The following LDLRAD4 variants were observed in gnomAD, a reference collection of about 807,000 sequenced individuals.
LDLRAD4 encodes low density lipoprotein receptor class A domain containing 4.
In LDLRAD4, 5 loss-of-function variants were observed where a neutral mutation model predicts 17.0. That is an observed-to-expected ratio of 0.29 (90% CI 0.15 to 0.62). The LOEUF is 0.62. Among genes scored for constraint, LDLRAD4 ranks in the 20% least tolerant of loss-of-function variants. The pLI, the probability that LDLRAD4 is intolerant of heterozygous loss-of-function variation, is 0.84. For missense variants in LDLRAD4, 340 were observed against 424.7 expected (o/e 0.80, Z 1.75); for synonymous variants, 168 against 171.8 (o/e 0.98, Z 0.17).
intron 1 of LDLRAD4, among the ~76,000 whole-genome samples, chr18:13,295,481 A>T (rs546334274): frequency 6.6e-6 from 1 of 152,220 alleles, no homozygotes; most frequent in Non-Finnish European, 1.5e-5. Flanking sequence ...AGTCAGCTGC[A>T]TCGTGCATGT....
chr18:13,467,216 C>CA (rs1373414373), intron 3 of LDLRAD4, among the ~76,000 whole-genome samples: 7 of 152,080 alleles, frequency 4.6e-5, no homozygotes, highest in Non-Finnish European at 7.4e-5. Context: ...TATCCCTGTT[C>CA]AAAAATGACA....
At chr18:13,336,595 C>T (rs887263524) in intron 1 of LDLRAD4, among the ~76,000 whole-genome samples, 41 of 152,066 alleles carry the variant, frequency 2.7e-4, no homozygotes, top group African/African-American at 8.7e-4. Flanking sequence ...ATTCCTCTAC[C>T]CCTTTCTTTG....
chr18:13,556,852 C>A (rs994660148), intron 3 of LDLRAD4, among the ~76,000 whole-genome samples: 2 of 152,142 alleles, frequency 1.3e-5, no homozygotes, highest in African/African-American at 2.4e-5. Flanking sequence ...TAGGTTTCCT[C>A]ACTGTCAAGT....
Position 13,445,061 on chromosome 18 carries a change from T to C in LDLRAD4, c.181+6677T>C, listed in dbSNP as rs147771212. 2.3e-3 allele frequency among the ~76,000 whole-genome samples: 353 copies of C among 152,314 alleles called. 3 individuals carry two copies. The highest frequency in any genetic ancestry group is 7.8e-3 in the African/African-American group (326 of 41,574). On this transcript the variant is annotated intron_variant, in intron 3 of 5. Transcript: ENST00000359446. ...AGCATTTATTCTGGGACCAGCAGTG[T>C]GATAGGCTTTTACTGTGCGTGTGAC... is the stretch of plus-strand genomic sequence containing the variant.
intron 3 of LDLRAD4, among the ~76,000 whole-genome samples, chr18:13,564,301 T>A (rs2094571193): frequency 6.6e-6 from 1 of 152,206 alleles, no homozygotes; most frequent in East Asian, 1.9e-4. Flanking sequence ...GGAGGATGGC[T>A]GCTATTCAAG....
At chr18:13,240,700 C>T (rs1339896481) in intron 1 of LDLRAD4, 1 of 152,306 alleles carries the variant, frequency 6.6e-6, no homozygotes, top group East Asian at 1.9e-4. Flanking sequence ...CATCTGTTCT[C>T]CTCATGGACC....
At chr18:13,429,148 C>T (rs922777576) in intron 2 of LDLRAD4, among the ~76,000 whole-genome samples, 6 of 152,026 alleles carry the variant, frequency 3.9e-5, no homozygotes, top group South Asian at 2.1e-4. Context: ...GGGAAGGATG[C>T]GGTTCCCTGT....
At chr18:13,260,425 A>G (rs2043751328) in intron 1 of LDLRAD4, among the ~76,000 whole-genome samples, 1 of 152,222 alleles carries the variant, frequency 6.6e-6, no homozygotes, top group Non-Finnish European at 1.5e-5. Context: ...GTGTACTGTC[A>G]TAAATGCCTT....
chr18:13,448,611 C>T (rs1302215599), intron 3 of LDLRAD4, among the ~76,000 whole-genome samples: 2 of 149,830 alleles, frequency 1.3e-5, no homozygotes, highest in South Asian at 2.1e-4. Context: ...TGGTGGGAGT[C>T]GGGAAGGAGA....
intron 1 of LDLRAD4, among the ~76,000 whole-genome samples, chr18:13,375,232 T>C (rs1007796346): frequency 2.0e-5 from 3 of 152,028 alleles, no homozygotes; most frequent in Non-Finnish European, 2.9e-5. Context: ...GAGAGGCCGG[T>C]GGAAAAGGAG....
chr18:13,404,951 GAAAA>G (rs1335729910), intron 2 of LDLRAD4, among the ~76,000 whole-genome samples: 1 of 151,936 alleles, frequency 6.6e-6, no homozygotes, highest in Non-Finnish European at 1.5e-5. Context: ...AAGAAGGAAA[GAAAA>G]AAGCAGTGTG....
intron 1 of LDLRAD4, among the ~76,000 whole-genome samples, chr18:13,232,793 A>T (rs1470810931): frequency 6.6e-6 from 1 of 152,142 alleles, no homozygotes; most frequent in African/African-American, 2.4e-5. Context: ...ACCTCCAGCC[A>T]TGCTCCCTGG....
intron 3 of LDLRAD4, among the ~76,000 whole-genome samples, chr18:13,596,991 CATT>C (rs1234115252): frequency 6.6e-6 from 1 of 152,154 alleles, no homozygotes; most frequent in Admixed American, 6.5e-5. Flanking sequence ...TATCTTTTAT[CATT>C]ATGCAGTTAT....
rs187409392 is a variant in LDLRAD4 at position 13,298,287 on chromosome 18, A to T, written c.-383+20099A>T. ...CCTGGAGCTTAAATGGAAATGCACA[A>T]TGTTGGAGCTGCTCTGGGCACGGTG... On this transcript the variant is annotated intron_variant, in intron 1 of 5. Coordinates refer to ENST00000359446, the Ensembl canonical transcript of LDLRAD4. Among the ~76,000 whole-genome samples, 9 of 152,284 alleles carry T rather than the reference A, an allele frequency of 5.9e-5. No individual in the cohort carries two copies. The East Asian group carries it at 1.5e-3, about 26-fold the overall frequency.
intron 3 of LDLRAD4, among the ~76,000 whole-genome samples, chr18:13,481,280 G>T (rs2093075434): frequency 6.6e-6 from 1 of 152,188 alleles, no homozygotes; most frequent in Non-Finnish European, 1.5e-5. Context: ...CACGTGTCTG[G>T]AAGAGGACAG....
chr18:13,516,574 G>T (rs900265077), intron 3 of LDLRAD4, among the ~76,000 whole-genome samples: 2 of 152,286 alleles, frequency 1.3e-5, no homozygotes, highest in South Asian at 4.1e-4. Context: ...TTGAAATTTC[G>T]TTTATTTCTA....
intron 1 of LDLRAD4, among the ~76,000 whole-genome samples, chr18:13,360,374 G>A (rs1250394158): frequency 6.6e-6 from 1 of 152,250 alleles, no homozygotes; most frequent in Middle Eastern, 3.2e-3. Flanking sequence ...ATGAATCCAA[G>A]TGAGGAGATG....
At chr18:13,275,418 A>G (rs1053372277), upstream of LDLRAD4, among the ~76,000 whole-genome samples, 1 of 152,242 alleles carries the variant, frequency 6.6e-6, no homozygotes, top group South Asian at 2.1e-4. Context: ...GAAGCCAAAT[A>G]TCTTCAACCT....
At chr18:13,250,844 A>C (rs1448628546) in intron 1 of LDLRAD4, among the ~76,000 whole-genome samples, 1 of 152,240 alleles carries the variant, frequency 6.6e-6, no homozygotes, top group Non-Finnish European at 1.5e-5. Flanking sequence ...ATTCCAAATA[A>C]ATTGTATCAG....
Sources: allele counts gnomAD v4.1 joint callset (sites outside exome capture counted in the v4.1 genomes callset), GRCh38; gene constraint gnomAD v4.1.1; transcripts MANE v1.5; gene names NCBI Gene and HGNC (gene_info 2026-07-23, HGNC 2026-07-21).